Variants in ADAM2 observed in about 807,000 individuals in gnomAD.
The protein encoded by ADAM2 is disintegrin and metalloproteinase domain-containing protein 2.
A neutral mutation model predicts 99.3 loss-of-function variants in ADAM2; 101 were observed. That is an observed-to-expected ratio of 1.02 (90% CI 0.87 to 1.20). The LOEUF (loss-of-function observed/expected upper bound fraction) is 1.20. ADAM2 is among the 50% of genes most tolerant of loss of function. The probability of loss-of-function intolerance (pLI) is 0.00; values close to 1 mark genes in which losing one functional copy is unlikely to be tolerated. For missense variants in ADAM2, 948 were observed against 878.7 expected (o/e 1.08, Z -1.00); for synonymous variants, 323 against 287.6 (o/e 1.12, Z -1.25).
intron 7 of ADAM2, among the ~76,000 whole-genome samples, chr8:39,806,852 C>T (rs1804462098): frequency 6.6e-6 from 1 of 152,146 alleles, no homozygotes; most frequent in South Asian, 2.1e-4. Context: ...AGTGAAAACA[C>T]TGCCTGTTTT....
chr8:39,806,277 A>G (rs1052033045), intron 7 of ADAM2, among the ~76,000 whole-genome samples: 3 of 152,152 alleles, frequency 2.0e-5, no homozygotes, highest in African/African-American at 7.2e-5. Context: ...AAAAAAATGC[A>G]AAGACATCAG....
chr8:39,806,411 A>G (rs1460880340), intron 7 of ADAM2, among the ~76,000 whole-genome samples: 1 of 151,228 alleles, frequency 6.6e-6, no homozygotes, highest in Non-Finnish European at 1.5e-5. Context: ...GAATTGCCCA[A>G]CTATATTATA....
At chr8:39,816,495 A>G in intron 6 of ADAM2, among the ~76,000 whole-genome samples, 1 of 152,306 alleles carries the variant, frequency 6.6e-6, no homozygotes, top group African/African-American at 2.4e-5. Flanking sequence ...TATCCACATA[A>G]AACATATATT....
rs1805860333 is a variant in ADAM2 at position 39,837,162 on chromosome 8, T to G, written c.106A>C (p.Ile36Leu). Residue 36 changes from isoleucine to leucine, a missense_variant, in exon 2 of 21, where the codon ATA becomes CTA. Ile to Leu is a conservative substitution (Grantham distance 5). Coordinates refer to ENST00000265708, the MANE Select transcript of ADAM2 (RefSeq NM_001464.5). ...QITVPEKIRS[I>L]IKEGIESQAS... Reference sequence around the variant, plus strand: ...TGCGATTCAATTCCTTCCTTTATTATTGACCGTATTTTCTCCGGAACTGTA... The same window carrying G: ...TGCGATTCAATTCCTTCCTTTATTAGTGACCGTATTTTCTCCGGAACTGTA... The G allele has an allele frequency of 1.2e-6, 2 of 1,608,306 alleles. No homozygotes were observed. The highest frequency in any genetic ancestry group is 2.2e-5 in the South Asian group (2 of 90,218).
chr8:39,755,953 G>T, intron 15 of ADAM2, 42 bp from the exon 16 acceptor site: 1 of 1,105,794 alleles, frequency 9.0e-7, no homozygotes, highest in South Asian at 1.6e-5. Context: ...TTTTAATTTA[G>T]AGAAGTACAA....
At chr8:39,810,697 C>G (rs1413568647) in intron 6 of ADAM2, among the ~76,000 whole-genome samples, 1 of 152,060 alleles carries the variant, frequency 6.6e-6, no homozygotes, top group Non-Finnish European at 1.5e-5. Flanking sequence ...GGGTACATAA[C>G]GAAATGAAGG....
At chr8:39,745,002 G>C in intron 19 of ADAM2, 109 bp from the exon 20 acceptor site, 1 of 791,620 alleles carries the variant, frequency 1.3e-6, no homozygotes, top group Non-Finnish European at 2.0e-6. Flanking sequence ...CTAAGAACTG[G>C]GTTCACCCAT....
At chr8:39,793,794 T>A (rs1803820448) in intron 7 of ADAM2, among the ~76,000 whole-genome samples, 1 of 152,076 alleles carries the variant, frequency 6.6e-6, no homozygotes, top group Non-Finnish European at 1.5e-5. Flanking sequence ...CTGGAGAATT[T>A]CTATTTGAGG....
intron 7 of ADAM2, among the ~76,000 whole-genome samples, chr8:39,795,272 G>A (rs891864520): frequency 6.6e-6 from 1 of 152,016 alleles, no homozygotes; most frequent in Non-Finnish European, 1.5e-5. Context: ...AAATTAATCT[G>A]AAAAACAAGT....
intron 7 of ADAM2, among the ~76,000 whole-genome samples, chr8:39,793,013 C>T (rs966067590): frequency 6.6e-6 from 1 of 152,002 alleles, no homozygotes; most frequent in African/African-American, 2.4e-5. Flanking sequence ...GAAAAAGTTG[C>T]ATAAAATCTC....
chr8:39,824,778 C>A, intron 4 of ADAM2, 41 bp downstream of exon 4: 3 of 1,011,320 alleles, frequency 3.0e-6, no homozygotes, highest in Non-Finnish European at 4.7e-6. Flanking sequence ...TGATCATAGA[C>A]ACTCACATGA....
At chr8:39,801,047 G>A (rs984394574) in intron 7 of ADAM2, among the ~76,000 whole-genome samples, 4 of 152,036 alleles carry the variant, frequency 2.6e-5, no homozygotes, top group African/African-American at 9.7e-5. Flanking sequence ...TGCCAGTTCT[G>A]TGCCCTTGAT....
Position 39,746,627 on chromosome 8 carries a change from C to A in ADAM2, c.2019G>T (p.Arg673Ser). 2 of 1,571,598 alleles carry A rather than the reference C, an allele frequency of 1.3e-6. No individual in the cohort carries two copies. The highest frequency in any genetic ancestry group is 2.0e-5 in the Admixed American group (1 of 49,214). Reference sequence around the variant, plus strand: ...AATGGTAAATGTTCTCAATGTAGCGCCTTTCTAGAAGAAAAAAAAATCAAA... The same window carrying A: ...AATGGTAAATGTTCTCAATGTAGCGACTTTCTAGAAGAAAAAAAAATCAAA... Reference protein sequence around the residue: ...PVAIPARLPERRYIENIYHSK... With the variant: ...PVAIPARLPESRYIENIYHSK... Residue 673 changes from arginine (R) to serine (S), a missense_variant, in exon 19 of 21, where the codon AGG becomes AGT. Coordinates refer to ENST00000265708, the MANE Select transcript of ADAM2 (RefSeq NM_001464.5).
At chr8:39,801,950 C>T (rs976192923) in intron 7 of ADAM2, among the ~76,000 whole-genome samples, 1 of 151,920 alleles carries the variant, frequency 6.6e-6, no homozygotes, top group East Asian at 1.9e-4. Flanking sequence ...GTTGCTAGTC[C>T]CAGAGCTGGC....
At chr8:39,792,133 G>A (rs1303198381) in intron 7 of ADAM2, among the ~76,000 whole-genome samples, 1 of 151,244 alleles carries the variant, frequency 6.6e-6, no homozygotes, top group African/African-American at 2.4e-5. Context: ...ATACAAGAAT[G>A]GGATCTTTAC....
chr8:39,804,806 A>AT, intron 7 of ADAM2, among the ~76,000 whole-genome samples: 1 of 152,170 alleles, frequency 6.6e-6, no homozygotes, highest in Non-Finnish European at 1.5e-5. Context: ...AATGCATGGT[A>AT]TTTTGCATTC....
At position 39,821,120 on chromosome 8, in the gene ADAM2, G is replaced by C; in HGVS notation, c.395C>G (p.Ser132Cys). 6.2e-7 allele frequency: 1 copy of C among 1,610,948 alleles called. No individual in the cohort carries two copies. Among genetic ancestry groups the C allele is most frequent in the Non-Finnish European group, 8.5e-7 (1 of 1,178,342 alleles). The change falls in exon 6 of 21, where the codon TCT becomes TGT. Residue 132 changes from serine to cysteine, a missense_variant. Transcript: ENST00000265708. Reference protein sequence around the residue: ...NVSYGIEPLESSVGFEHVIYQ... With the variant: ...NVSYGIEPLECSVGFEHVIYQ... Reference sequence around the variant, plus strand: ...AATTACATGTTCAAAGCCAACTGAAGACTCCAGGGGTTCTATTCCATAACT... The same window carrying C: ...AATTACATGTTCAAAGCCAACTGAACACTCCAGGGGTTCTATTCCATAACT...
intron 7 of ADAM2, among the ~76,000 whole-genome samples, chr8:39,808,447 T>TA (rs1262946006): frequency 5.9e-5 from 9 of 152,308 alleles, no homozygotes; most frequent in African/African-American, 2.2e-4. Context: ...ATGGGGTGGA[T>TA]ATATGATGAT....
intron 10 of ADAM2, 51 bp from the exon 11 acceptor site, chr8:39,777,212 G>A (rs1246488708): frequency 1.4e-6 from 2 of 1,447,294 alleles, no homozygotes; most frequent in South Asian, 1.3e-5. Flanking sequence ...TTTGTTTACT[G>A]GGAGAACAAT....
Sources: allele counts gnomAD v4.1 joint callset (sites outside exome capture counted in the v4.1 genomes callset), GRCh38; gene constraint gnomAD v4.1.1; transcripts MANE v1.5; gene names NCBI Gene and HGNC (gene_info 2026-07-23, HGNC 2026-07-21).